The following ZPLD1 variants were observed in gnomAD, a reference collection of about 807,000 sequenced individuals.
The protein encoded by ZPLD1 is zona pellucida-like domain-containing protein 1.
ZPLD1 carries 34 observed loss-of-function variants against 47.2 expected under a neutral mutation model. The ratio of observed to expected loss-of-function variants is 0.72; its 90% CI spans 0.55 to 0.96. The LOEUF (loss-of-function observed/expected upper bound fraction) is 0.96. Among genes scored for constraint, ZPLD1 ranks in the 40% least tolerant of loss-of-function variants. The pLI, the probability that ZPLD1 is intolerant of heterozygous loss-of-function variation, is 0.00. For synonymous variants in ZPLD1, 176 were observed against 186.2 expected (o/e 0.95, Z 0.45); for missense variants, 512 against 505.8 (o/e 1.01, Z -0.12).
At chr3:102,462,413 C>T (rs1158647119) in intron 7 of ZPLD1, 35 bp downstream of exon 7, 1 of 1,428,142 alleles carries the variant, frequency 7.0e-7, no homozygotes, top group Non-Finnish European at 9.8e-7. Flanking sequence ...TAGGTTAAAA[C>T]TCTTTGACTG....
chr3:102,453,242 AT>A, intron 4 of ZPLD1, 103 bp downstream of exon 4: 4 of 1,051,668 alleles, frequency 3.8e-6, no homozygotes, highest in Non-Finnish European at 4.1e-6. Flanking sequence ...GAGAAAAAAA[AT>A]AAAATTGAAC....
chr3:102,409,256 T>C (rs935661367), intron 7 of ZPLD1, among the ~76,000 whole-genome samples: 5 of 151,660 alleles, frequency 3.3e-5, no homozygotes, highest in African/African-American at 1.2e-4. Flanking sequence ...ATCAGGAGAG[T>C]ACTCCATCGT....
chr3:102,413,826 C>A (rs1706773224), intron 7 of ZPLD1, among the ~76,000 whole-genome samples: 1 of 151,738 alleles, frequency 6.6e-6, no homozygotes, highest in Non-Finnish European at 1.5e-5. Flanking sequence ...GATTAAAAAA[C>A]ATGAGCAGCA....
At chr3:102,463,203 T>C (rs1319657066) in intron 7 of ZPLD1, among the ~76,000 whole-genome samples, 1 of 152,190 alleles carries the variant, frequency 6.6e-6, no homozygotes, top group Non-Finnish European at 1.5e-5. Context: ...AAATCTAACC[T>C]TGTGGAGGAA....
At chr3:102,434,147 CA>C (rs1378429273), upstream of ZPLD1, among the ~76,000 whole-genome samples, 1 of 152,130 alleles carries the variant, frequency 6.6e-6, no homozygotes, top group Admixed American at 6.5e-5. Context: ...ACATTTTTAA[CA>C]TGAGTAAAAA....
At chr3:102,398,030 G>A (rs577615802) in intron 7 of ZPLD1, among the ~76,000 whole-genome samples, 2 of 152,202 alleles carry the variant, frequency 1.3e-5, no homozygotes, top group South Asian at 2.1e-4. Context: ...ATAAATGTGT[G>A]TGTGAATGCA....
intron 7 of ZPLD1, among the ~76,000 whole-genome samples, chr3:102,400,623 C>A (rs998980965): frequency 6.6e-6 from 1 of 152,038 alleles, no homozygotes; most frequent in Non-Finnish European, 1.5e-5. Flanking sequence ...ACTGACTGCA[C>A]TATTTACTTG....
intron 6 of ZPLD1, among the ~76,000 whole-genome samples, chr3:102,459,163 G>C (rs535573037): frequency 6.7e-6 from 1 of 149,428 alleles, no homozygotes; most frequent in East Asian, 2.0e-4. Context: ...CAGCAAGCGT[G>C]TGCCAGTATT....
Position 102,477,621 on chromosome 3 carries a change from A to G in ZPLD1, c.*3A>G, listed in dbSNP as rs749737878. 31 of 1,608,094 alleles carry G rather than the reference A, an allele frequency of 1.9e-5. 1 individual carries two copies. The highest frequency in any genetic ancestry group is 5.4e-5 in the African/African-American group (4 of 74,448). ...TAAGAAACCCAGTCTTTGACTGACT[A>G]TAACAGATTCCTGCTCTCTGGAGAA... On this transcript the variant is annotated 3_prime_UTR_variant, in exon 12 of 12. Coordinates refer to ENST00000466937, the MANE Select transcript of ZPLD1 (RefSeq NM_001329788.2).
chr3:102,456,406 A>C, intron 5 of ZPLD1, 32 bp downstream of exon 5: 1 of 1,594,432 alleles, frequency 6.3e-7, no homozygotes, highest in Non-Finnish European at 8.6e-7. Context: ...GCTTTCTCAT[A>C]TTGCATTTTT....
At position 102,452,997 on chromosome 3, in the gene ZPLD1, G is replaced by T; in HGVS notation, c.185G>T (p.Gly62Val). 6.2e-7 allele frequency: 1 copy of T among 1,614,108 alleles called. No individual in the cohort carries two copies. Reference protein sequence around the residue: ...KINFCTVLFSGYSETDLALNG... With the variant: ...KINFCTVLFSVYSETDLALNG... Reference sequence around the variant, plus strand: ...AATTTTTGCACGGTACTTTTCTCGGGTTATTCGGAAACAGATCTGGCACTG... The same window carrying T: ...AATTTTTGCACGGTACTTTTCTCGGTTTATTCGGAAACAGATCTGGCACTG... Residue 62 changes from glycine to valine, a missense_variant, in exon 4 of 12, where the codon GGT becomes GTT. Physicochemically the swap from Gly to Val is moderately radical, Grantham distance 109. Coordinates refer to ENST00000466937, the MANE Select transcript of ZPLD1 (RefSeq NM_001329788.2).
chr3:102,402,399 A>G (rs955671940), intron 7 of ZPLD1, among the ~76,000 whole-genome samples: 1 of 152,082 alleles, frequency 6.6e-6, no homozygotes, highest in African/African-American at 2.4e-5. Flanking sequence ...CCAAAGCTTG[A>G]ACATCAACTA....
Position 102,470,528 on chromosome 3 carries a change from T to C in ZPLD1, c.1042+26T>C, listed in dbSNP as rs1362378886. 3 of 1,594,502 alleles carry C rather than the reference T, an allele frequency of 1.9e-6. No homozygotes were observed. The Admixed American group carries it at 5.0e-5, about 27-fold the overall frequency. On this transcript the variant is annotated intron_variant, in intron 10 of 11. Coordinates refer to ENST00000466937, the MANE Select transcript of ZPLD1 (RefSeq NM_001329788.2). Reference sequence around the variant, plus strand: ...GTAAGTGTGCTCCTCCTTCTGTATGTAGTAATAGACGGTTCCAAAATGCCT... The same window carrying C: ...GTAAGTGTGCTCCTCCTTCTGTATGCAGTAATAGACGGTTCCAAAATGCCT...
At chr3:102,421,806 TA>T (rs879705724) in intron 8 of ZPLD1, among the ~76,000 whole-genome samples, 240 of 150,984 alleles carry the variant, frequency 1.6e-3, no homozygotes, top group African/African-American at 5.4e-3. Context: ...TAGTGAGACT[TA>T]AAAAAAAACT....
intron 3 of ZPLD1, among the ~76,000 whole-genome samples, chr3:102,446,647 C>T (rs1244374508): frequency 2.0e-5 from 3 of 152,132 alleles, no homozygotes; most frequent in Admixed American, 2.0e-4. Flanking sequence ...CAGTGACATC[C>T]CTTTTTCTTC....
chr3:102,397,766 T>TA (rs1455983089), intron 7 of ZPLD1, among the ~76,000 whole-genome samples: 1 of 152,138 alleles, frequency 6.6e-6, no homozygotes, highest in Non-Finnish European at 1.5e-5. Context: ...CACTGGATCT[T>TA]AATGCAATTA....
intron 7 of ZPLD1, among the ~76,000 whole-genome samples, chr3:102,404,720 G>A (rs917721599): frequency 2.0e-5 from 3 of 151,918 alleles, no homozygotes; most frequent in Non-Finnish European, 4.4e-5. Flanking sequence ...TTAACTCTTC[G>A]GCTATCTCTT....
intron 8 of ZPLD1, among the ~76,000 whole-genome samples, chr3:102,420,131 A>G (rs985459581): frequency 6.6e-6 from 1 of 151,904 alleles, no homozygotes; most frequent in African/African-American, 2.4e-5. Flanking sequence ...AATTATAGGA[A>G]TTTCAAACTC....
At chr3:102,395,846 A>G (rs1232141787) in intron 7 of ZPLD1, among the ~76,000 whole-genome samples, 4 of 152,132 alleles carry the variant, frequency 2.6e-5, no homozygotes, top group African/African-American at 9.7e-5. Context: ...GTATATTCCT[A>G]TCCTTTTAAA....
Sources: gnomAD v4.1 joint callset for allele counts (sites outside exome capture counted in the v4.1 genomes callset) on GRCh38, gnomAD v4.1.1 for gene constraint, MANE v1.5 for transcripts, NCBI Gene and HGNC (gene_info 2026-07-23, HGNC 2026-07-21) for gene names.